The following KY variants were observed in gnomAD, a reference collection of about 807,000 sequenced individuals.
The protein encoded by KY is kyphoscoliosis peptidase.
KY carries 43 observed loss-of-function variants against 76.1 expected under a neutral mutation model. That is an observed-to-expected ratio of 0.57 (90% CI 0.44 to 0.73). KY has a LOEUF of 0.73. Ranked by LOEUF, KY falls within the 30% of genes least tolerant of loss-of-function variation. The pLI, the probability that KY is intolerant of heterozygous loss-of-function variation, is 0.00. For synonymous variants in KY, 277 were observed against 326.2 expected, an observed-to-expected ratio of 0.85 and a Z score of 1.63; for missense variants, 722 against 828.9, an observed-to-expected ratio of 0.87 and a Z score of 1.58.
At chr3:134,629,506 G>A (rs1963935481) in intron 4 of KY, 115 bp downstream of exon 4, 2 of 743,024 alleles carry the variant, frequency 2.7e-6, no homozygotes, top group Non-Finnish European at 4.7e-6. Context: ...CAGTTTGCAG[G>A]CCCATGTCAC....
At chr3:134,639,247 C>G (rs1015080248) in intron 3 of KY, among the ~76,000 whole-genome samples, 1 of 152,116 alleles carries the variant, frequency 6.6e-6, no homozygotes. Context: ...AGGAATGAGC[C>G]TGCTAGATGG....
chr3:134,602,681 T>G lies in KY; in HGVS notation c.*898A>C, dbSNP rs4519744. Reference sequence around the variant, plus strand: ...AGCCTCTGGAGGCTCTCTGTGGAGGTGGGGCAGGGGCCTGAGGCCCAGGCT... The same window carrying G: ...AGCCTCTGGAGGCTCTCTGTGGAGGGGGGGCAGGGGCCTGAGGCCCAGGCT... On this transcript the variant is annotated 3_prime_UTR_variant, in exon 11 of 11. Coordinates refer to ENST00000423778, the MANE Select transcript of KY (RefSeq NM_178554.6). Among the ~76,000 whole-genome samples, 4 of 151,936 alleles carry G rather than the reference T, an allele frequency of 2.6e-5. No homozygotes were observed. The highest frequency in any genetic ancestry group is 5.9e-5 in the Non-Finnish European group (4 of 67,946).
intron 6 of KY, among the ~76,000 whole-genome samples, chr3:134,621,541 C>T (rs1002981581): frequency 2.0e-5 from 3 of 152,154 alleles, no homozygotes; most frequent in African/African-American, 7.2e-5. Context: ...TGGATCTCTA[C>T]CTCATGCCAT....
intron 10 of KY, among the ~76,000 whole-genome samples, chr3:134,605,898 A>T (rs1450842592): frequency 6.6e-6 from 1 of 152,086 alleles, no homozygotes; most frequent in Non-Finnish European, 1.5e-5. Context: ...CTCCAATGCC[A>T]TTGCTTCCCC....
At position 134,620,863 on chromosome 3, in the gene KY, G is replaced by C. The variant is rs757725854; in HGVS notation, c.484-6C>G. The C allele has an allele frequency of 4.4e-6, 7 of 1,592,064 alleles. No individual in the cohort carries two copies. The South Asian group carries it at 7.8e-5, about 18-fold the overall frequency. On this transcript the variant is annotated splice_polypyrimidine_tract_variant and splice_region_variant and intron_variant, in intron 6 of 10. Transcript: ENST00000423778. ...AGGCCACTCTTGGCTGTCACCTGGG[G>C]AGCAGGAAGGGTGTGCTGTATTAGG...
chr3:134,641,443 G>C (rs1965748951), intron 3 of KY, among the ~76,000 whole-genome samples: 1 of 152,118 alleles, frequency 6.6e-6, no homozygotes, highest in Non-Finnish European at 1.5e-5. Context: ...AAGCAGAGAA[G>C]GCAATGTGAC....
At chr3:134,616,444 G>C (rs1056680312) in intron 8 of KY, among the ~76,000 whole-genome samples, 2 of 152,190 alleles carry the variant, frequency 1.3e-5, no homozygotes, top group African/African-American at 4.8e-5. Context: ...TAAGGAATTA[G>C]CTAATTAATT....
intron 3 of KY, among the ~76,000 whole-genome samples, chr3:134,642,188 C>G (rs1182099649): frequency 6.6e-6 from 1 of 152,192 alleles, no homozygotes; most frequent in Non-Finnish European, 1.5e-5. Context: ...CCTGCCAGCG[C>G]CTTTCTATAG....
At chr3:134,626,614 T>C (rs1224936796) in intron 5 of KY, among the ~76,000 whole-genome samples, 1 of 152,140 alleles carries the variant, frequency 6.6e-6, no homozygotes, top group Non-Finnish European at 1.5e-5. Flanking sequence ...CTTAATCTGG[T>C]GCTATTAGAC....
chr3:134,610,791 A>G (rs1035740226), intron 8 of KY: 1 of 161,856 alleles, frequency 6.2e-6, no homozygotes, highest in African/African-American at 2.4e-5. Flanking sequence ...CCTGCAACAA[A>G]ACCTACATGT....
Position 134,604,035 on chromosome 3 carries a change from G to A in KY, c.1530C>T (p.Arg510=), listed in dbSNP as rs35316983. The A allele has an allele frequency of 0.02, 32,160 of 1,614,012 alleles. 371 individuals carry two copies. Among genetic ancestry groups the A allele is most frequent in the Non-Finnish European group, 0.024 (28,524 of 1,179,860 alleles). The change falls in exon 11 of 11, where the codon CGC becomes CGT. Residue 510 remains arginine, a synonymous_variant. Transcript: ENST00000423778. ...TCTCCCGGTGCAGCTGGAAGATGTA[G>A]CGCCGCTGTGTCTCCTCAGTGATGG... ...DGPITEETQR[R]YIFQLHREKQ...
At chr3:134,607,814 G>C (rs768714364) in intron 10 of KY, 66 of 988,214 alleles carry the variant, frequency 6.7e-5, no homozygotes, top group Non-Finnish European at 7.8e-5. Context: ...ACTGCCCCAG[G>C]GGAGTGGGCT....
chr3:134,633,295 A>G (rs1964479235), intron 3 of KY, among the ~76,000 whole-genome samples: 1 of 152,090 alleles, frequency 6.6e-6, no homozygotes, highest in Admixed American at 6.5e-5. Flanking sequence ...AAAGACAGCA[A>G]AAGAAAAGAA....
chr3:134,613,056 A>G (rs1219159226), intron 8 of KY: 1 of 154,240 alleles, frequency 6.5e-6, no homozygotes, highest in Non-Finnish European at 1.5e-5. Context: ...ACTTTCTAGG[A>G]TGATGTGGAG....
rs1406838012 is a variant in KY, at chr3:134,603,886, T to C, written c.1679A>G (p.Asn560Ser). The change falls in exon 11 of 11, where the codon AAC becomes AGC. Residue 560 changes from asparagine to serine, a missense_variant. Asn to Ser is a conservative substitution (Grantham distance 46, BLOSUM62 1). Transcript: ENST00000423778. ...GAACATGGGCCAGTTCACCTTGGTG[T>C]TGGCACAGCATACAAGGTAATTAAA... Reference protein sequence around the residue: ...FVFNYLVCCANTKVNWPMFPE... With the variant: ...FVFNYLVCCASTKVNWPMFPE... The C allele has an allele frequency of 1.2e-6, 2 of 1,613,972 alleles. No homozygotes were observed. Among genetic ancestry groups the C allele is most frequent in the Non-Finnish European group, 8.5e-7 (1 of 1,179,884 alleles).
chr3:134,620,909 G>A, intron 6 of KY, 52 bp from the exon 7 acceptor site: 1 of 1,126,082 alleles, frequency 8.9e-7, no homozygotes, highest in Non-Finnish European at 1.3e-6. Flanking sequence ...GGGGCTGTTG[G>A]GGGCCCAGCA....
At position 134,610,252 on chromosome 3, in the gene KY, A is replaced by C; in HGVS notation, c.842T>G (p.Val281Gly). The C allele has an allele frequency of 6.2e-7, 1 of 1,613,946 alleles. No homozygotes were observed. The highest frequency in any genetic ancestry group is 8.5e-7 in the Non-Finnish European group (1 of 1,179,878). ...CAGGCCGCTGCCCCAGGTGCTGTCC[A>C]CCAGGTGCCATCTTCCCTCCAGGTA... ...AVYLEGRWHL[V>G]DSTWGSGLVD... Residue 281 changes from valine to glycine, a missense_variant, in exon 9 of 11, where the codon GTG becomes GGG. Val to Gly is a moderately radical substitution (Grantham distance 109, BLOSUM62 -3). Transcript: ENST00000423778.
In KY at chr3:134,643,393, CAG is replaced by C. The variant is rs888159678; in HGVS notation, c.200-17_200-16del. Reference sequence around the variant, plus strand: ...CACCAAGTTTTCTATTTAAGGAAGACAGAGAGGCCTGCAGTGACCACTGGGGA... The same window carrying C: ...CACCAAGTTTTCTATTTAAGGAAGACAGAGGCCTGCAGTGACCACTGGGGA... On this transcript the variant is annotated splice_polypyrimidine_tract_variant and intron_variant, in intron 2 of 10. Transcript: ENST00000423778. The C allele has an allele frequency of 6.2e-7, 1 of 1,612,308 alleles. No homozygotes were observed. Among genetic ancestry groups the C allele is most frequent in the Admixed American group, 1.7e-5 (1 of 59,972 alleles).
At chr3:134,643,437 G>T in intron 2 of KY, 59 bp from the exon 3 acceptor site, 4 of 1,459,316 alleles carry the variant, frequency 2.7e-6, no homozygotes, top group Non-Finnish European at 2.9e-6. Context: ...CCCAGGCAGA[G>T]CAAAGAGCTG....
Sources: gnomAD v4.1 joint callset for allele counts (sites outside exome capture counted in the v4.1 genomes callset) on GRCh38, gnomAD v4.1.1 for gene constraint, MANE v1.5 for transcripts, NCBI Gene and HGNC (gene_info 2026-07-23, HGNC 2026-07-21) for gene names.